The following IL3RA variants were observed in gnomAD, a reference collection of about 807,000 sequenced individuals.
The protein encoded by IL3RA is interleukin 3 receptor subunit alpha, also known as interleukin-3 receptor subunit alpha.
IL3RA carries 73 observed loss-of-function variants against 52.3 expected under a neutral mutation model. The ratio of observed to expected loss-of-function variants is 1.40; its 90% CI spans 1.16 to 1.70. The LOEUF (loss-of-function observed/expected upper bound fraction) is 1.70. IL3RA is among the 40% of genes most tolerant of loss of function. IL3RA has a pLI of 0.00. For synonymous variants in IL3RA, 260 were observed against 194.0 expected (o/e 1.34, Z -2.83); for missense variants, 664 against 504.4 (o/e 1.32, Z -3.03).
chrX:1,355,870 C>T (rs1165091600), intron 6 of IL3RA, among the ~76,000 whole-genome samples: 1 of 151,958 alleles, frequency 6.6e-6, no homozygotes, highest in Non-Finnish European at 1.5e-5. Flanking sequence ...GGGGCTGAGC[C>T]TAGAGATGGA....
At chrX:1,338,860 C>T (rs2085390338) in intron 1 of IL3RA, among the ~76,000 whole-genome samples, 1 of 151,930 alleles carries the variant, frequency 6.6e-6, no homozygotes, top group East Asian at 1.9e-4. Flanking sequence ...AGTGCAGTGG[C>T]GCGATCTCAG....
At chrX:1,345,736 C>T (rs769749969) in intron 3 of IL3RA, among the ~76,000 whole-genome samples, 10 of 151,884 alleles carry the variant, frequency 6.6e-5, no homozygotes, top group East Asian at 5.8e-4. Context: ...GTGATCTGCC[C>T]GCCTCGGCCT....
chrX:1,365,254 T>G lies in IL3RA; in HGVS notation c.874+2T>G, dbSNP rs1356475181. 6.3e-6 allele frequency: 10 copies of G among 1,596,300 alleles called. No individual in the cohort carries two copies. Among genetic ancestry groups the G allele is most frequent in the Non-Finnish European group, 8.6e-6 (10 of 1,169,376 alleles). ...CCTGGAGCACCCCCCAGCGCTTCGGTGAGTGGGCTGTGCGGGGTGCGCGGG... is the reference window on the plus strand; with the variant it reads ...CCTGGAGCACCCCCCAGCGCTTCGGGGAGTGGGCTGTGCGGGGTGCGCGGG... On this transcript the variant is annotated splice_donor_variant, in intron 9 of 11. Coordinates refer to ENST00000331035, the MANE Select transcript of IL3RA (RefSeq NM_002183.4). LOFTEE classifies it high-confidence loss of function.
intron 1 of IL3RA, among the ~76,000 whole-genome samples, chrX:1,339,602 A>G (rs1188277045): frequency 1.3e-5 from 2 of 151,826 alleles, no homozygotes; most frequent in South Asian, 2.1e-4. Context: ...GACCAGCCTG[A>G]CCAACATGGT....
intron 8 of IL3RA, among the ~76,000 whole-genome samples, chrX:1,362,007 T>C (rs1234523130): frequency 6.6e-6 from 1 of 151,668 alleles, no homozygotes; most frequent in Non-Finnish European, 1.5e-5. Context: ...TCTGTTTTCC[T>C]CTCTGTCTCT....
chrX:1,349,243 G>A (rs7061612), intron 4 of IL3RA, among the ~76,000 whole-genome samples: 14,895 of 150,028 alleles, frequency 0.099, 886 homozygotes, highest in Middle Eastern at 0.18. Context: ...GTGCACTGGC[G>A]CGATCTCGGC....
intron 6 of IL3RA, among the ~76,000 whole-genome samples, chrX:1,353,925 T>TCCATCATGGGTCATGGGACCCCCC (rs2086371343): frequency 2.7e-5 from 3 of 110,462 alleles, no homozygotes; most frequent in African/African-American, 7.1e-5. Flanking sequence ...CATCATGGGT[T>TCCATCATGGGTCATGGGACCCCCC]CCATCATGGG....
intron 2 of IL3RA, among the ~76,000 whole-genome samples, chrX:1,342,760 C>T (rs1253848523): frequency 3.4e-5 from 5 of 148,964 alleles, no homozygotes; most frequent in Admixed American, 6.7e-5. Context: ...GGGGTTTCAC[C>T]GTGTTAGACA....
chrX:1,377,822 T>C (rs1199567980), intron 9 of IL3RA, among the ~76,000 whole-genome samples: 1 of 147,838 alleles, frequency 6.8e-6, no homozygotes, highest in Non-Finnish European at 1.5e-5. Flanking sequence ...GAGGCAGAGG[T>C]TGCAGTGAGC....
intron 2 of IL3RA, among the ~76,000 whole-genome samples, chrX:1,343,982 G>A (rs1217206242): frequency 4.0e-5 from 6 of 151,708 alleles, no homozygotes; most frequent in African/African-American, 7.3e-5. Context: ...TTTTAGTCGC[G>A]ACGGGGTTTC....
intron 3 of IL3RA, 133 bp from the exon 4 acceptor site, chrX:1,348,298 A>G (rs2085864497): frequency 2.8e-6 from 2 of 716,892 alleles, no homozygotes; most frequent in Non-Finnish European, 5.1e-6. Context: ...GGCTGCAGTG[A>G]GCCGAGATCA....
At chrX:1,354,576 G>A (rs2086478681) in intron 6 of IL3RA, among the ~76,000 whole-genome samples, 1 of 123,636 alleles carries the variant, frequency 8.1e-6, no homozygotes, top group African/African-American at 3.1e-5. Flanking sequence ...AGGAGGAAGA[G>A]AAGAAAACGG....
At chrX:1,381,532 GAGC>G (rs1386578781) in intron 11 of IL3RA, among the ~76,000 whole-genome samples, 2 of 150,742 alleles carry the variant, frequency 1.3e-5, no homozygotes, top group African/African-American at 2.4e-5. Flanking sequence ...CACCAGAGCA[GAGC>G]AGATTTTTTT....
intron 3 of IL3RA, among the ~76,000 whole-genome samples, chrX:1,346,089 C>T (rs1453120515): frequency 1.3e-5 from 2 of 150,690 alleles, no homozygotes; most frequent in Non-Finnish European, 3.0e-5. Flanking sequence ...CTGAGGCGGG[C>T]GGATCATGAG....
intron 3 of IL3RA, 149 bp downstream of exon 3, chrX:1,345,583 A>G (rs1399249423): frequency 6.8e-5 from 31 of 456,542 alleles, no homozygotes; most frequent in South Asian, 1.4e-4. Flanking sequence ...TCCACCTCCC[A>G]GGTCCATGCC....
chrX:1,378,619 A>ACGGC (rs1452551956), intron 9 of IL3RA, 40 bp from the exon 10 acceptor site: 1 of 1,555,862 alleles, frequency 6.4e-7, no homozygotes, highest in Non-Finnish European at 8.8e-7. Context: ...TCCCCCCAGG[A>ACGGC]CGGCCCCCGG....
At chrX:1,381,894 C>T (rs2089192686) in intron 11 of IL3RA, among the ~76,000 whole-genome samples, 1 of 151,672 alleles carries the variant, frequency 6.6e-6, no homozygotes, top group Non-Finnish European at 1.5e-5. Context: ...AAAGGAAGGG[C>T]AGAGGAAAAG....
At chrX:1,363,400 C>A (rs1243596250) in intron 8 of IL3RA, among the ~76,000 whole-genome samples, 35 of 150,928 alleles carry the variant, frequency 2.3e-4, no homozygotes, top group Admixed American at 8.6e-4. Flanking sequence ...TCCCGGGTTC[C>A]CGCCACTCTC....
At chrX:1,345,031 T>C (rs1279802485) in intron 2 of IL3RA, among the ~76,000 whole-genome samples, 9 of 145,806 alleles carry the variant, frequency 6.2e-5, no homozygotes, top group East Asian at 6.0e-4. Flanking sequence ...TAGCCGGGCG[T>C]GGTGGCGGGC....
Sources: gnomAD v4.1 joint callset for allele counts (sites outside exome capture counted in the v4.1 genomes callset) on GRCh38, gnomAD v4.1.1 for gene constraint, MANE v1.5 for transcripts, NCBI Gene and HGNC (gene_info 2026-07-23, HGNC 2026-07-21) for gene names.